The following MCUR1 variants were observed in gnomAD, a reference collection of about 807,000 sequenced individuals.
MCUR1 encodes the protein MCU regulator 1.
Under a neutral mutation model 42.0 loss-of-function variants are expected in MCUR1, and 37 were observed. That is an observed-to-expected ratio of 0.88 (90% CI 0.68 to 1.16). MCUR1 has a LOEUF of 1.16. MCUR1 is among the 50% of genes most tolerant of loss of function. The pLI, the probability that MCUR1 is intolerant of heterozygous loss-of-function variation, is 0.00. For synonymous variants in MCUR1, 229 were observed against 196.2 expected, an observed-to-expected ratio of 1.17 and a Z score of -1.40; for missense variants, 469 against 468.4, an observed-to-expected ratio of 1.00 and a Z score of -0.01.
At chr6:13,803,211 G>A (rs1273209327) in intron 2 of MCUR1, among the ~76,000 whole-genome samples, 1 of 152,106 alleles carries the variant, frequency 6.6e-6, no homozygotes, top group Non-Finnish European at 1.5e-5. Flanking sequence ...ACAGGCATGC[G>A]CCACCATGCC....
intron 7 of MCUR1, among the ~76,000 whole-genome samples, chr6:13,793,264 T>G (rs892210577): frequency 1.3e-5 from 2 of 152,322 alleles, no homozygotes; most frequent in African/African-American, 4.8e-5. Context: ...ACTCCACTTC[T>G]GCATATATAC....
intron 1 of MCUR1, among the ~76,000 whole-genome samples, chr6:13,813,250 G>A (rs1404693054): frequency 2.0e-5 from 3 of 152,156 alleles, no homozygotes; most frequent in African/African-American, 7.2e-5. Context: ...CGACTGTCCT[G>A]AAGAGATGCA....
intron 1 of MCUR1, among the ~76,000 whole-genome samples, chr6:13,811,428 T>G (rs556710957): frequency 4.6e-5 from 7 of 152,300 alleles, no homozygotes; most frequent in Admixed American, 1.3e-4. Context: ...ATGAATTCCT[T>G]TCTCCTCAGT....
At chr6:13,812,365 T>C (rs1315527389) in intron 1 of MCUR1, among the ~76,000 whole-genome samples, 1 of 152,088 alleles carries the variant, frequency 6.6e-6, no homozygotes, top group Non-Finnish European at 1.5e-5. Context: ...TTTTTATGCA[T>C]CCATACTCAT....
In MCUR1 at chr6:13,798,873, T is replaced by C. The variant is rs1759918025; in HGVS notation, c.815A>G (p.Lys272Arg). 1 of 1,611,362 alleles carries C rather than the reference T, an allele frequency of 6.2e-7. No individual in the cohort carries two copies. The highest frequency in any genetic ancestry group is 8.5e-7 in the Non-Finnish European group (1 of 1,177,864). ...GCTCTTTTCTAGGTTGAAGTCTAAT[T>C]TGGTATCTGTTCGGACTTTGATCAC... ...DEVIKVRTDT[K>R]LDFNLEKSRV... Residue 272 changes from lysine (K) to arginine (R), a missense_variant, in exon 6 of 9, where the codon AAA becomes AGA. Physicochemically the swap from Lys to Arg is conservative, Grantham distance 26. Coordinates refer to ENST00000379170, the MANE Select transcript of MCUR1 (RefSeq NM_001031713.4).
At chr6:13,791,122 C>T (rs1759721128) in intron 8 of MCUR1, among the ~76,000 whole-genome samples, 1 of 152,130 alleles carries the variant, frequency 6.6e-6, no homozygotes, top group Admixed American at 6.5e-5. Flanking sequence ...CTCACTGTGC[C>T]TCAAACTCCC....
Position 13,814,355 on chromosome 6 carries a change from C to A in MCUR1, c.75G>T (p.Val25=). ...TGCCGCCCGGTCTTCCGCTGAGGCC[C>A]ACGGGCAAGAAGAGAAGCCGCTGGC... ...PGRQRLLFLP[V]GLSGRPGGSE... is the part of the protein sequence containing the mutation. The change falls in exon 1 of 9, where the codon GTG becomes GTT. Residue 25 remains valine (V), a synonymous_variant. Coordinates refer to ENST00000379170, the MANE Select transcript of MCUR1 (RefSeq NM_001031713.4). 6.6e-7 allele frequency: 1 copy of A among 1,522,796 alleles called. No individual in the cohort carries two copies. Among genetic ancestry groups the A allele is most frequent in the Non-Finnish European group, 8.7e-7 (1 of 1,143,554 alleles). The allele number at this position is 1,522,796 out of a possible 1,614,324, so 94.3% of individuals were successfully genotyped here. A position where few individuals can be genotyped will look rare whatever the true frequency, so the allele number is the denominator to read the frequency against.
Position 13,789,630 on chromosome 6 carries a change from C to CAT in MCUR1, c.*1177_*1178dup, listed in dbSNP as rs1397389689. 1 of 152,170 alleles carries CAT rather than the reference C, an allele frequency of 6.6e-6. No individual in the cohort carries two copies. The highest frequency in any genetic ancestry group is 2.4e-5 in the African/African-American group (1 of 41,444). 9.4% of individuals were successfully genotyped at this position (152,170 alleles called of 1,614,324 possible). A position where few individuals can be genotyped will look rare whatever the true frequency, so the allele number is the denominator to read the frequency against. ...TTTCATTTATGAAATATGTATCCAT[C>CAT]ATCTAGGTATCTTATACATGGAGAG... On this transcript the variant is annotated 3_prime_UTR_variant, in exon 9 of 9. Transcript: ENST00000379170.
chr6:13,814,354 C>A lies in MCUR1; in HGVS notation c.76G>T (p.Gly26Cys). Residue 26 changes from glycine to cysteine, a missense_variant, in exon 1 of 9, where the codon GGC becomes TGC. By Grantham distance (159) the Gly-to-Cys change is radical (BLOSUM62 -3). Transcript: ENST00000379170. ...GRQRLLFLPV[G>C]LSGRPGGSET... Reference sequence around the variant, plus strand: ...CTGCCGCCCGGTCTTCCGCTGAGGCCCACGGGCAAGAAGAGAAGCCGCTGG... The same window carrying A: ...CTGCCGCCCGGTCTTCCGCTGAGGCACACGGGCAAGAAGAGAAGCCGCTGG... The A allele has an allele frequency of 6.6e-7, 1 of 1,522,366 alleles. No homozygotes were observed. The highest frequency in any genetic ancestry group is 8.7e-7 in the Non-Finnish European group (1 of 1,143,324). The allele number at this position is 1,522,366 out of a possible 1,614,324, so 94.3% of individuals were successfully genotyped here. A position where few individuals can be genotyped will look rare whatever the true frequency, so the allele number is the denominator to read the frequency against.
chr6:13,796,526 T>C (rs926529561), intron 6 of MCUR1, among the ~76,000 whole-genome samples: 1 of 152,158 alleles, frequency 6.6e-6, no homozygotes, highest in African/African-American at 2.4e-5. Flanking sequence ...CCTCAGGTGA[T>C]CCACCCACCT....
At position 13,786,886 on chromosome 6, in the gene MCUR1, T is replaced by C. The variant is rs954744600; in HGVS notation, c.*3923A>G. 8 of 152,130 alleles carry C rather than the reference T, an allele frequency of 5.3e-5. No individual in the cohort carries two copies. Among genetic ancestry groups the C allele is most frequent in the African/African-American group, 1.4e-4 (6 of 41,434 alleles). The allele number at this position is 152,130 out of a possible 1,614,324, so 9.4% of individuals were successfully genotyped here. A position where few individuals can be genotyped will look rare whatever the true frequency, so the allele number is the denominator to read the frequency against. On this transcript the variant is annotated 3_prime_UTR_variant, in exon 9 of 9. Coordinates refer to ENST00000379170, the MANE Select transcript of MCUR1 (RefSeq NM_001031713.4). ...AAAGATAAATATTTTCCAAATAAAA[T>C]TCTAATAAAAGGCTAAACATTCTCA... is the stretch of plus-strand genomic sequence containing the variant.
intron 7 of MCUR1, 94 bp downstream of exon 7, chr6:13,793,800 C>T (rs778414699): frequency 9.1e-5 from 97 of 1,065,098 alleles, no homozygotes; most frequent in Non-Finnish European, 1.3e-4. Context: ...AGTAAACCTG[C>T]ATGTAACTTC....
chr6:13,805,988 G>C (rs1267800751), intron 2 of MCUR1, among the ~76,000 whole-genome samples: 2 of 152,184 alleles, frequency 1.3e-5, no homozygotes, highest in East Asian at 3.8e-4. Context: ...GGGCGCGGTG[G>C]CTCACTCCTG....
At chr6:13,808,039 G>C (rs1286908015) in intron 1 of MCUR1, among the ~76,000 whole-genome samples, 1 of 152,178 alleles carries the variant, frequency 6.6e-6, no homozygotes, top group African/African-American at 2.4e-5. Context: ...TCCTTTAAGG[G>C]ATGATGACTA....
chr6:13,790,902 A>C, intron 8 of MCUR1, 38 bp from the exon 9 acceptor site: 1 of 1,464,102 alleles, frequency 6.8e-7, no homozygotes, highest in Non-Finnish European at 9.4e-7. Flanking sequence ...TATTAGTTCT[A>C]TTAAGAGTTA....
At chr6:13,800,115 G>C (rs1210662491) in intron 5 of MCUR1, among the ~76,000 whole-genome samples, 1 of 152,078 alleles carries the variant, frequency 6.6e-6, no homozygotes, top group Non-Finnish European at 1.5e-5. Context: ...ACAGGCATGA[G>C]CCACCATGCC....
At chr6:13,797,936 T>C (rs538236296) in intron 6 of MCUR1, among the ~76,000 whole-genome samples, 201 of 151,312 alleles carry the variant, frequency 1.3e-3, no homozygotes, top group African/African-American at 4.5e-3. Context: ...GGCAGGAGAA[T>C]TGCTTAAACC....
In MCUR1 at chr6:13,810,343, A is replaced by G. The variant is rs371209606; in HGVS notation, c.416-3299T>C. On this transcript the variant is annotated intron_variant, in intron 1 of 8. Coordinates refer to ENST00000379170, the MANE Select transcript of MCUR1 (RefSeq NM_001031713.4). ...AAAAAGACATTATGACACCAAAAGA[A>G]AAAAAAAGATGAACAATCAAAAGAA... Among the ~76,000 whole-genome samples the G allele has an allele frequency of 2.6e-5, 4 of 152,108 alleles. No individual in the cohort carries two copies. The East Asian group carries it at 5.8e-4, about 22-fold the overall frequency.
chr6:13,804,637 T>G (rs1295728817), intron 2 of MCUR1, among the ~76,000 whole-genome samples: 2 of 151,152 alleles, frequency 1.3e-5, no homozygotes, highest in African/African-American at 4.9e-5. Flanking sequence ...AGCCAGGCGT[T>G]GTGGCAGGCG....
Sources: allele counts gnomAD v4.1 joint callset (sites outside exome capture counted in the v4.1 genomes callset), GRCh38; gene constraint gnomAD v4.1.1; transcripts MANE v1.5; gene names NCBI Gene and HGNC (gene_info 2026-07-23, HGNC 2026-07-21).